SRGAP1: variants seen among roughly 807,000 people sequenced by gnomAD.
The protein encoded by SRGAP1 is SLIT-ROBO Rho GTPase activating protein 1.
SRGAP1 carries 43 observed loss-of-function variants against 121.9 expected under a neutral mutation model. That is an observed-to-expected ratio of 0.35 (90% CI 0.28 to 0.46). The LOEUF is 0.46. Ranked by LOEUF, SRGAP1 falls within the 20% of genes least tolerant of loss-of-function variation. The pLI is 1.00. For missense variants in SRGAP1, 1,102 were observed against 1,350.9 expected (o/e 0.82, Z 2.89); for synonymous variants, 447 against 485.4 (o/e 0.92, Z 1.04).
intron 1 of SRGAP1, among the ~76,000 whole-genome samples, chr12:63,950,967 G>A (rs2032270684): frequency 6.7e-6 from 1 of 148,494 alleles, no homozygotes; most frequent in African/African-American, 2.5e-5. Context: ...TGCCATGTCA[G>A]CACCTATGTA....
At chr12:63,976,537 T>C (rs1179785536) in intron 1 of SRGAP1, among the ~76,000 whole-genome samples, 1 of 152,220 alleles carries the variant, frequency 6.6e-6, no homozygotes, top group Non-Finnish European at 1.5e-5. Flanking sequence ...ATGGGACTCA[T>C]GACTTTCAGT....
intron 1 of SRGAP1, among the ~76,000 whole-genome samples, chr12:63,864,449 C>T (rs1220075009): frequency 6.6e-6 from 1 of 152,056 alleles, no homozygotes; most frequent in Non-Finnish European, 1.5e-5. Context: ...ATAGCATGGC[C>T]TCAGGAGTCA....
chr12:63,899,407 A>G (rs1043067989), intron 1 of SRGAP1, among the ~76,000 whole-genome samples: 45 of 150,536 alleles, frequency 3.0e-4, no homozygotes, highest in African/African-American at 1.1e-3. Flanking sequence ...TGTTAAAAGA[A>G]AAACCTTAGA....
At chr12:63,917,382 G>A (rs1247973729) in intron 1 of SRGAP1, among the ~76,000 whole-genome samples, 1 of 152,194 alleles carries the variant, frequency 6.6e-6, no homozygotes, top group South Asian at 2.1e-4. Context: ...TCCATTAGAG[G>A]TATGGATGCC....
At chr12:63,956,237 T>A (rs1409036382) in intron 1 of SRGAP1, among the ~76,000 whole-genome samples, 1 of 152,106 alleles carries the variant, frequency 6.6e-6, no homozygotes, top group Non-Finnish European at 1.5e-5. Flanking sequence ...ATCAGCCTGG[T>A]CTGAAACTTC....
At chr12:63,949,244 T>C (rs889991133) in intron 1 of SRGAP1, among the ~76,000 whole-genome samples, 3 of 145,222 alleles carry the variant, frequency 2.1e-5, no homozygotes, top group African/African-American at 5.0e-5. Context: ...AATAAGAGAA[T>C]ATATCTCTGG....
At chr12:63,928,522 A>G (rs1458441519) in intron 1 of SRGAP1, among the ~76,000 whole-genome samples, 1 of 152,170 alleles carries the variant, frequency 6.6e-6, no homozygotes. Context: ...CTATTCATAC[A>G]AGCCCTAACA....
At chr12:64,124,756 T>G (rs2036660540) in intron 18 of SRGAP1, among the ~76,000 whole-genome samples, 1 of 152,210 alleles carries the variant, frequency 6.6e-6, no homozygotes, top group African/African-American at 2.4e-5. Context: ...ATTGTAAGTC[T>G]AGCAGTTGAT....
chr12:64,038,560 C>T (rs2034947304), intron 4 of SRGAP1: 1 of 152,124 alleles, frequency 6.6e-6, no homozygotes, highest in Non-Finnish European at 1.5e-5. Flanking sequence ...TAACACGAAG[C>T]ATTAAATTTG....
rs957607807 is a variant in SRGAP1, at chr12:64,045,580, C to T, written c.801+2005C>T. Reference sequence around the variant, plus strand: ...CCTCTTGAGTAGCTGGAATTACAGGCGTGCGCAACCACACCCAGCTAATTT... The same window carrying T: ...CCTCTTGAGTAGCTGGAATTACAGGTGTGCGCAACCACACCCAGCTAATTT... On this transcript the variant is annotated intron_variant, in intron 6 of 21. Transcript: ENST00000355086. Among the ~76,000 whole-genome samples the T allele has an allele frequency of 1.1e-4, 16 of 152,032 alleles. No individual in the cohort carries two copies. In the East Asian group the frequency reaches 1.9e-3, roughly 18 times the overall value.
chr12:64,049,768 G>C (rs184186037), intron 6 of SRGAP1, among the ~76,000 whole-genome samples: 1 of 152,186 alleles, frequency 6.6e-6, no homozygotes, highest in East Asian at 1.9e-4. Flanking sequence ...TATAGCTTTT[G>C]TTACTATGGC....
chr12:64,049,578 A>C (rs968011282), intron 6 of SRGAP1, among the ~76,000 whole-genome samples: 5 of 152,184 alleles, frequency 3.3e-5, no homozygotes, highest in African/African-American at 1.2e-4. Context: ...CCTTCACATG[A>C]CATGTGGGGA....
At position 63,851,542 on chromosome 12, in the gene SRGAP1, A is replaced by C. The variant is rs572544227; in HGVS notation, c.67+6659A>C. The stretch of plus-strand genomic sequence containing the variant: ...GAGTCAATTTCTTCATCTGTAAAAT[A>C]GGGATAATAGTAGTACTTACCTTGT... On this transcript the variant is annotated intron_variant, in intron 1 of 21. Coordinates refer to ENST00000355086, the MANE Select transcript of SRGAP1 (RefSeq NM_020762.4). Among the ~76,000 whole-genome samples the C allele has an allele frequency of 1.6e-3, 241 of 152,082 alleles. 1 individual carries two copies. The highest frequency in any genetic ancestry group is 5.4e-3 in the African/African-American group (223 of 41,512).
chr12:63,905,768 CT>C (rs1367178427), intron 1 of SRGAP1, among the ~76,000 whole-genome samples: 3 of 152,146 alleles, frequency 2.0e-5, no homozygotes, highest in African/African-American at 7.2e-5. Flanking sequence ...TCAGTAAACC[CT>C]TTTGCTATGT....
chr12:64,002,086 G>A (rs2033917840), intron 3 of SRGAP1, among the ~76,000 whole-genome samples: 1 of 152,180 alleles, frequency 6.6e-6, no homozygotes, highest in Non-Finnish European at 1.5e-5. Flanking sequence ...TAAATGCAAG[G>A]CAGCTAGAAA....
At chr12:63,961,765 A>G (rs753138678) in intron 1 of SRGAP1, among the ~76,000 whole-genome samples, 16 of 152,234 alleles carry the variant, frequency 1.1e-4, no homozygotes, top group Non-Finnish European at 7.3e-5. Context: ...TACATTCCAG[A>G]AGGAGAAAGA....
chr12:64,036,526 AG>A (rs1415925094), intron 4 of SRGAP1, among the ~76,000 whole-genome samples: 1 of 152,212 alleles, frequency 6.6e-6, no homozygotes, highest in Non-Finnish European at 1.5e-5. Context: ...GATTTAGTGA[AG>A]CAGCAGGCTA....
At chr12:64,133,788 C>T (rs2136645045) in intron 21 of SRGAP1, among the ~76,000 whole-genome samples, 1 of 152,272 alleles carries the variant, frequency 6.6e-6, no homozygotes. Context: ...TCCATCCAAC[C>T]TAGAAGTTTT....
At chr12:64,078,756 TG>T (rs1405277015) in intron 8 of SRGAP1, among the ~76,000 whole-genome samples, 162 bp from the exon 9 acceptor site, 2 of 152,174 alleles carry the variant, frequency 1.3e-5, no homozygotes, top group African/African-American at 2.4e-5. Context: ...TCTCTTAAAC[TG>T]GTGATATGGA....
Sources: gnomAD v4.1 joint callset for allele counts (sites outside exome capture counted in the v4.1 genomes callset) on GRCh38, gnomAD v4.1.1 for gene constraint, MANE v1.5 for transcripts, NCBI Gene and HGNC (gene_info 2026-07-23, HGNC 2026-07-21) for gene names.